The following KIRREL1 variants were observed in gnomAD, a reference collection of about 807,000 sequenced individuals.
KIRREL1 encodes the protein kirre like nephrin family adhesion molecule 1.
KIRREL1 carries 25 observed loss-of-function variants against 83.3 expected under a neutral mutation model. The ratio of observed to expected loss-of-function variants is 0.30; its 90% confidence interval spans 0.22 to 0.42. KIRREL1 has a LOEUF of 0.42. Ranked by LOEUF, KIRREL1 falls within the 10% of genes least tolerant of loss-of-function variation. The pLI is 1.00. For synonymous variants in KIRREL1, 388 were observed against 410.4 expected, an observed-to-expected ratio of 0.95 and a Z score of 0.66; for missense variants, 812 against 1,032.3, an observed-to-expected ratio of 0.79 and a Z score of 2.92.
intron 1 of KIRREL1, among the ~76,000 whole-genome samples, chr1:157,999,794 A>G (rs1395354831): frequency 2.0e-5 from 3 of 152,162 alleles, no homozygotes; most frequent in African/African-American, 7.2e-5. Context: ...CTCAAATGTG[A>G]AACCAGGGAG....
intron 1 of KIRREL1, among the ~76,000 whole-genome samples, chr1:158,070,614 A>G (rs1661484273): frequency 6.6e-6 from 1 of 152,206 alleles, no homozygotes; most frequent in Non-Finnish European, 1.5e-5. Flanking sequence ...ATAAAGTGTT[A>G]TAACCAGAGG....
Position 158,065,903 on chromosome 1 carries a change from G to A in KIRREL1, c.53-10210G>A, listed in dbSNP as rs147042246. Among the ~76,000 whole-genome samples the A allele has an allele frequency of 2.4e-4, 36 of 151,680 alleles. No individual in the cohort carries two copies. The East Asian group carries it at 4.5e-3, about 19-fold the overall frequency. On this transcript the variant is annotated intron_variant, in intron 1 of 14. Transcript: ENST00000359209. The stretch of plus-strand genomic sequence containing the variant: ...TTGTTCTTTTGTCCTTCTTATTTTC[G>A]TTCTCATTTTCCTCTCCCAGATGGT...
chr1:158,001,507 T>C (rs954481404), intron 1 of KIRREL1, among the ~76,000 whole-genome samples: 1 of 152,110 alleles, frequency 6.6e-6, no homozygotes, highest in African/African-American at 2.4e-5. Context: ...AGACTGCTGG[T>C]GGTGCAAGGT....
intron 1 of KIRREL1, among the ~76,000 whole-genome samples, chr1:157,995,166 T>C (rs938243102): frequency 1.3e-5 from 2 of 152,236 alleles, no homozygotes; most frequent in South Asian, 2.1e-4. Context: ...TGGTGTGTTA[T>C]GCTGGACCTT....
intron 1 of KIRREL1, among the ~76,000 whole-genome samples, chr1:158,011,794 G>A (rs1021333662): frequency 7.2e-5 from 11 of 152,200 alleles, no homozygotes; most frequent in African/African-American, 2.4e-4. Context: ...GGAGCCTGGA[G>A]GAGAAGCAGG....
intron 1 of KIRREL1, among the ~76,000 whole-genome samples, chr1:158,047,958 G>T (rs1471826900): frequency 6.6e-6 from 1 of 152,140 alleles, no homozygotes; most frequent in Non-Finnish European, 1.5e-5. Context: ...CTCTGATGAA[G>T]CCAGAAACTT....
chr1:158,003,006 AC>A (rs1317162323), intron 1 of KIRREL1, among the ~76,000 whole-genome samples: 2 of 151,486 alleles, frequency 1.3e-5, no homozygotes, highest in South Asian at 2.1e-4. Context: ...CGTACTCTCC[AC>A]CCCCCACTCC....
intron 1 of KIRREL1, among the ~76,000 whole-genome samples, chr1:158,072,431 C>T (rs1256407946): frequency 6.6e-6 from 1 of 152,170 alleles, no homozygotes; most frequent in Non-Finnish European, 1.5e-5. Context: ...AGTCCAGACT[C>T]CTGGAGTTGC....
At position 158,006,844 on chromosome 1, in the gene KIRREL1, G is replaced by A. The variant is rs367605539; in HGVS notation, c.52+13116G>A. ...CAGCATGTAGGAAAGTGGGCATGGG[G>A]GTGATGGCAGAGGTGGGCCTGCCTC... is the stretch of plus-strand genomic sequence containing the variant. On this transcript the variant is annotated intron_variant, in intron 1 of 14. Transcript: ENST00000359209. Among the ~76,000 whole-genome samples, 41 of 152,324 alleles carry A rather than the reference G, an allele frequency of 2.7e-4. 3 individuals carry two copies. In the East Asian group the frequency reaches 7.7e-3, roughly 29 times the overall value.
At chr1:158,054,961 G>GAA (rs1261336733) in intron 1 of KIRREL1, among the ~76,000 whole-genome samples, 1 of 152,118 alleles carries the variant, frequency 6.6e-6, no homozygotes, top group Non-Finnish European at 1.5e-5. Context: ...CATTTTTATT[G>GAA]AGCACGGCAC....
chr1:158,011,136 G>T (rs1271071011), intron 1 of KIRREL1, among the ~76,000 whole-genome samples: 2 of 152,144 alleles, frequency 1.3e-5, no homozygotes, highest in South Asian at 4.1e-4. Context: ...ATGACCTCCT[G>T]TGTCTGACTG....
chr1:158,043,449 C>T (rs182508006), intron 1 of KIRREL1, among the ~76,000 whole-genome samples: 17 of 152,182 alleles, frequency 1.1e-4, no homozygotes, highest in East Asian at 3.9e-4. Context: ...CCACCCCAGG[C>T]GGGATCAGAT....
chr1:158,060,971 C>A (rs544595965), intron 1 of KIRREL1, among the ~76,000 whole-genome samples: 2 of 152,030 alleles, frequency 1.3e-5, no homozygotes, highest in African/African-American at 4.8e-5. Context: ...TGCTCCTGTC[C>A]CCACCTTCCA....
intron 3 of KIRREL1, among the ~76,000 whole-genome samples, chr1:158,082,797 G>A (rs755972628): frequency 2.6e-5 from 4 of 152,090 alleles, no homozygotes; most frequent in Admixed American, 1.3e-4. Flanking sequence ...GCGAAACCTC[G>A]TCTCTACAAA....
At chr1:157,996,826 T>C (rs372942062) in intron 1 of KIRREL1, among the ~76,000 whole-genome samples, 7 of 152,280 alleles carry the variant, frequency 4.6e-5, no homozygotes, top group Middle Eastern at 3.4e-3. Context: ...TCTACTCACT[T>C]AGACCCAAAG....
chr1:158,037,676 T>C (rs1241442650), intron 1 of KIRREL1, among the ~76,000 whole-genome samples: 1 of 152,128 alleles, frequency 6.6e-6, no homozygotes, highest in Admixed American at 6.5e-5. Flanking sequence ...CAAACCCTGA[T>C]TGTAGCTCCC....
chr1:158,065,980 A>G (rs914178204), intron 1 of KIRREL1, among the ~76,000 whole-genome samples: 1 of 148,914 alleles, frequency 6.7e-6, no homozygotes, highest in African/African-American at 2.5e-5. Flanking sequence ...CAAATTTCCC[A>G]ACCTTCTTTT....
At position 158,079,206 on chromosome 1, in the gene KIRREL1, T is replaced by G. The variant is rs540945314; in HGVS notation, c.352+1066T>G. Among the ~76,000 whole-genome samples the G allele has an allele frequency of 1.1e-3, 161 of 152,292 alleles. 1 individual carries two copies. The highest frequency in any genetic ancestry group is 3.6e-3 in the African/African-American group (148 of 41,572). ...CCCTCTTCCTTTCCTTCCTTCTAAC[T>G]TGAAATCACTGAATTTGCGGGGAGC... On this transcript the variant is annotated intron_variant, in intron 3 of 14. Transcript: ENST00000359209.
Position 158,095,187 on chromosome 1 carries a change from A to C in KIRREL1, c.*67A>C, listed in dbSNP as rs1033476523. Reference sequence around the variant, plus strand: ...AAGGCTTTCACAGCTGTTCCCTGATATTCAGGGGCATTGCTCATTGCTCCC... The same window carrying C: ...AAGGCTTTCACAGCTGTTCCCTGATCTTCAGGGGCATTGCTCATTGCTCCC... On this transcript the variant is annotated 3_prime_UTR_variant, in exon 15 of 15. Transcript: ENST00000359209. 2 of 1,098,512 alleles carry C rather than the reference A, an allele frequency of 1.8e-6. No individual in the cohort carries two copies. Among genetic ancestry groups the C allele is most frequent in the Non-Finnish European group, 2.6e-6 (2 of 768,358 alleles). 68.0% of individuals were successfully genotyped at this position (1,098,512 alleles called of 1,614,324 possible).
Sources: gnomAD v4.1 joint callset for allele counts (sites outside exome capture counted in the v4.1 genomes callset) on GRCh38, gnomAD v4.1.1 for gene constraint, MANE v1.5 for transcripts, NCBI Gene and HGNC (gene_info 2026-07-23, HGNC 2026-07-21) for gene names.